Variants in PPM1L observed in about 807,000 individuals in gnomAD.
PPM1L encodes the protein protein phosphatase, Mg2+/Mn2+ dependent 1L.
A neutral mutation model predicts 31.4 loss-of-function variants in PPM1L; 13 were observed. The observed-to-expected ratio is 0.41, with a 90% CI of 0.27 to 0.66. The LOEUF is 0.66. Ranked by LOEUF, PPM1L falls within the 30% of genes least tolerant of loss-of-function variation. The probability of loss-of-function intolerance (pLI) is 0.29; values close to 1 mark genes in which losing one functional copy is unlikely to be tolerated. For synonymous variants in PPM1L, 184 were observed against 175.4 expected, an observed-to-expected ratio of 1.05 and a Z score of -0.39; for missense variants, 326 against 453.7, an observed-to-expected ratio of 0.72 and a Z score of 2.56.
At chr3:160,814,561 ATG>A (rs1360002728) in intron 1 of PPM1L, among the ~76,000 whole-genome samples, 1 of 101,220 alleles carries the variant, frequency 9.9e-6, no homozygotes, top group East Asian at 3.5e-4. Flanking sequence ...ACACACACAT[ATG>A]TATGTATGTG....
At chr3:161,046,470 C>A (rs1392980652) in intron 2 of PPM1L, among the ~76,000 whole-genome samples, 7 of 151,918 alleles carry the variant, frequency 4.6e-5, no homozygotes, top group South Asian at 2.1e-4. Context: ...CAAAAAAAGT[C>A]CAGGACCAGA....
chr3:161,020,238 C>T (rs529226488), intron 2 of PPM1L, among the ~76,000 whole-genome samples: 1 of 152,080 alleles, frequency 6.6e-6, no homozygotes, highest in East Asian at 1.9e-4. Context: ...ATATTTAAGT[C>T]CTGAACCCTC....
chr3:160,801,206 AAAG>A (rs1251794365), intron 1 of PPM1L, among the ~76,000 whole-genome samples: 7 of 152,142 alleles, frequency 4.6e-5, no homozygotes, highest in Non-Finnish European at 1.0e-4. Context: ...AGGAAAAAGC[AAAG>A]ATATTTTTCA....
intron 2 of PPM1L, among the ~76,000 whole-genome samples, chr3:161,030,346 G>A (rs571217840): frequency 7.9e-5 from 12 of 152,082 alleles, no homozygotes; most frequent in Non-Finnish European, 1.2e-4. Context: ...TTGTTTGTTC[G>A]TTTATTAATT....
Position 160,857,014 on chromosome 3 carries a change from C to A in PPM1L, c.399+100307C>A, listed in dbSNP as rs143722276. Reference sequence around the variant, plus strand: ...AGTATATTTTGATGTTTGATTCTAACTTTCCTATCCTTTACTTGCCAAAAG... The same window carrying A: ...AGTATATTTTGATGTTTGATTCTAAATTTCCTATCCTTTACTTGCCAAAAG... On this transcript the variant is annotated intron_variant, in intron 1 of 3. Coordinates refer to ENST00000498165, the MANE Select transcript of PPM1L (RefSeq NM_139245.4). 1.6e-3 allele frequency among the ~76,000 whole-genome samples: 245 copies of A among 152,254 alleles called. 1 individual carries two copies. Among genetic ancestry groups the A allele is most frequent in the African/African-American group, 5.6e-3 (231 of 41,554 alleles).
intron 2 of PPM1L, among the ~76,000 whole-genome samples, chr3:160,969,606 C>A (rs1385462857): frequency 1.3e-5 from 2 of 152,274 alleles, no homozygotes; most frequent in African/African-American, 4.8e-5. Flanking sequence ...GTATATTTCT[C>A]AAACAGCTCC....
Position 160,808,390 on chromosome 3 carries a change from T to TGTGTGTGTGTGTGTGTGCGCGCGCGC in PPM1L, c.399+51700_399+51701insCGCGCGCGCGTGTGTGTGTGTGTGTG, listed in dbSNP as rs1560112673. Among the ~76,000 whole-genome samples the TGTGTGTGTGTGTGTGTGCGCGCGCGC allele has an allele frequency of 1.8e-4, 27 of 146,550 alleles. 1 individual carries two copies. Among genetic ancestry groups the TGTGTGTGTGTGTGTGTGCGCGCGCGC allele is most frequent in the East Asian group, 8.0e-4 (4 of 5,002 alleles). ...TGCAGTGCCAGGATTTTCCTGTGTG[T>TGTGTGTGTGTGTGTGTGCGCGCGCGC]GTGTGTGTGTGTGTGTGTGTGTGTG... is the stretch of plus-strand genomic sequence containing the variant. On this transcript the variant is annotated intron_variant, in intron 1 of 3. Coordinates refer to ENST00000498165, the MANE Select transcript of PPM1L (RefSeq NM_139245.4).
At chr3:160,923,701 A>T (rs1714494739) in intron 1 of PPM1L, among the ~76,000 whole-genome samples, 1 of 152,242 alleles carries the variant, frequency 6.6e-6, no homozygotes, top group Non-Finnish European at 1.5e-5. Flanking sequence ...TTAAATGAGT[A>T]GTAAGGCTGG....
intron 1 of PPM1L, among the ~76,000 whole-genome samples, chr3:160,830,615 T>C (rs1713498656): frequency 6.6e-6 from 1 of 152,190 alleles, no homozygotes; most frequent in African/African-American, 2.4e-5. Flanking sequence ...TTCAATTTTT[T>C]GGCAAATTTT....
chr3:160,808,383 C>CTCTGTGTGTGTGTGTG (rs1204425630), intron 1 of PPM1L, among the ~76,000 whole-genome samples: 21 of 110,366 alleles, frequency 1.9e-4, no homozygotes, highest in African/African-American at 7.1e-4. Context: ...CAGGATTTTC[C>CTCTGTGTGTGTGTGTG]TGTGTGTGTG....
intron 1 of PPM1L, among the ~76,000 whole-genome samples, chr3:160,766,380 T>TG (rs1715102165): frequency 6.6e-6 from 1 of 152,140 alleles, no homozygotes; most frequent in African/African-American, 2.4e-5. Flanking sequence ...GATTAGATCA[T>TG]GGGGGGACTA....
chr3:161,049,521 T>G (rs941384424), intron 2 of PPM1L, among the ~76,000 whole-genome samples: 2 of 152,178 alleles, frequency 1.3e-5, no homozygotes, highest in Non-Finnish European at 2.9e-5. Context: ...TTGCAGAAAT[T>G]TTTAAAAGCC....
intron 1 of PPM1L, among the ~76,000 whole-genome samples, chr3:160,949,346 A>G (rs1369848709): frequency 1.3e-5 from 2 of 152,334 alleles, no homozygotes; most frequent in East Asian, 3.9e-4. Context: ...TCGGGTTGAA[A>G]ATAATACAAA....
intron 1 of PPM1L, among the ~76,000 whole-genome samples, chr3:160,869,810 A>T (rs576276620): frequency 6.6e-6 from 1 of 152,022 alleles, no homozygotes; most frequent in Non-Finnish European, 1.5e-5. Context: ...TGCAAACATG[A>T]CTGGGTATGG....
At chr3:161,013,619 T>TG (rs1443118590) in intron 2 of PPM1L, among the ~76,000 whole-genome samples, 3 of 152,160 alleles carry the variant, frequency 2.0e-5, no homozygotes, top group African/African-American at 4.8e-5. Context: ...ATGTTGACAG[T>TG]GGGGGGTTAA....
chr3:161,037,256 CTT>C (rs1718767361), intron 2 of PPM1L, among the ~76,000 whole-genome samples: 1 of 152,084 alleles, frequency 6.6e-6, no homozygotes, highest in Admixed American at 6.6e-5. Flanking sequence ...CTCCTTTGCT[CTT>C]TGTCTCTGGA....
intron 2 of PPM1L, among the ~76,000 whole-genome samples, chr3:161,031,357 CAA>C (rs1718556838): frequency 6.6e-6 from 1 of 152,172 alleles, no homozygotes; most frequent in Non-Finnish European, 1.5e-5. Flanking sequence ...TTGCTGAAAC[CAA>C]AAGAGGTAAG....
At chr3:161,014,624 G>C (rs575851786) in intron 2 of PPM1L, among the ~76,000 whole-genome samples, 1 of 151,952 alleles carries the variant, frequency 6.6e-6, no homozygotes, top group Non-Finnish European at 1.5e-5. Context: ...ACAGGCACAC[G>C]CCACCACGCC....
chr3:161,045,660 G>A (rs1719037304), intron 2 of PPM1L, among the ~76,000 whole-genome samples: 2 of 152,132 alleles, frequency 1.3e-5, no homozygotes, highest in Admixed American at 6.5e-5. Context: ...ATGCCCACAA[G>A]GGAAAGCAGA....
Sources: allele counts gnomAD v4.1 joint callset (sites outside exome capture counted in the v4.1 genomes callset), GRCh38; gene constraint gnomAD v4.1.1; transcripts MANE v1.5; gene names NCBI Gene and HGNC (gene_info 2026-07-23, HGNC 2026-07-21).